The following MARK1 variants were observed in gnomAD, a reference collection of about 807,000 sequenced individuals.
MARK1 encodes microtubule affinity regulating kinase 1.
In MARK1, 40 loss-of-function variants were observed where a neutral mutation model predicts 96.3. That is an observed-to-expected ratio of 0.42 (90% CI 0.32 to 0.54). MARK1 has a LOEUF of 0.54. Among genes scored for constraint, MARK1 ranks in the 20% least tolerant of loss-of-function variants. The probability of loss-of-function intolerance (pLI) is 0.16; values close to 1 mark genes in which losing one functional copy is unlikely to be tolerated. For missense variants in MARK1, 719 were observed against 984.6 expected, an observed-to-expected ratio of 0.73 and a Z score of 3.61; for synonymous variants, 317 against 341.2, an observed-to-expected ratio of 0.93 and a Z score of 0.78.
intron 5 of MARK1, among the ~76,000 whole-genome samples, chr1:220,600,794 A>G (rs953846281): frequency 1.1e-4 from 17 of 152,110 alleles, no homozygotes; most frequent in Non-Finnish European, 2.1e-4. Context: ...TATAATTTTT[A>G]TGGTGATTCA....
intron 10 of MARK1, 64 bp downstream of exon 10, chr1:220,631,198 C>G: frequency 9.7e-7 from 1 of 1,032,348 alleles, no homozygotes; most frequent in Non-Finnish European, 1.5e-6. Context: ...CTTTAGTGTG[C>G]CAAAATAGTG....
At chr1:220,626,737 G>A (rs1186812256) in intron 9 of MARK1, 4 of 333,964 alleles carry the variant, frequency 1.2e-5, no homozygotes, top group Admixed American at 3.8e-5. Context: ...CATGAGAATC[G>A]CTTGCACCCT....
chr1:220,554,816 A>G (rs778441112), intron 1 of MARK1, among the ~76,000 whole-genome samples: 2 of 152,188 alleles, frequency 1.3e-5, no homozygotes, highest in Non-Finnish European at 2.9e-5. Flanking sequence ...CATAGGCCAA[A>G]TAGGTGAGCT....
intron 7 of MARK1, among the ~76,000 whole-genome samples, chr1:220,617,804 A>G (rs1666838064): frequency 2.6e-5 from 4 of 152,202 alleles, no homozygotes; most frequent in Non-Finnish European, 5.9e-5. Flanking sequence ...ATTCTACAAG[A>G]GAGAACAAAG....
chr1:220,563,993 A>G (rs1388812924), intron 1 of MARK1, among the ~76,000 whole-genome samples: 1 of 152,190 alleles, frequency 6.6e-6, no homozygotes. Context: ...ATTGTAAATC[A>G]GTACTTCCGT....
At chr1:220,596,298 G>T (rs1009163935) in intron 3 of MARK1, among the ~76,000 whole-genome samples, 1 of 152,132 alleles carries the variant, frequency 6.6e-6, no homozygotes, top group African/African-American at 2.4e-5. Flanking sequence ...TCAGGAAGAT[G>T]TACTGTCAGA....
intron 3 of MARK1, among the ~76,000 whole-genome samples, chr1:220,593,113 CATA>C (rs1314576185): frequency 1.3e-5 from 2 of 151,878 alleles, no homozygotes; most frequent in Non-Finnish European, 2.9e-5. Flanking sequence ...ACAAATGAAA[CATA>C]ATAATGCTAC....
At chr1:220,558,628 ATAT>A (rs1033375456) in intron 1 of MARK1, among the ~76,000 whole-genome samples, 79 of 152,112 alleles carry the variant, frequency 5.2e-4, no homozygotes, top group African/African-American at 1.8e-3. Flanking sequence ...ATAATCAAAG[ATAT>A]TATTAACAAG....
At chr1:220,548,174 A>T (rs1209691320) in intron 1 of MARK1, among the ~76,000 whole-genome samples, 11 of 152,250 alleles carry the variant, frequency 7.2e-5, no homozygotes. Context: ...TGCTATGTAG[A>T]TACAGTATTT....
chr1:220,537,076 T>C (rs1160571180), intron 1 of MARK1, among the ~76,000 whole-genome samples: 1 of 151,986 alleles, frequency 6.6e-6, no homozygotes, highest in Non-Finnish European at 1.5e-5. Flanking sequence ...GTTGCACAGA[T>C]CATCCTATCA....
At chr1:220,597,623 T>A (rs1227330663) in intron 3 of MARK1, among the ~76,000 whole-genome samples, 1 of 152,212 alleles carries the variant, frequency 6.6e-6, no homozygotes, top group East Asian at 1.9e-4. Flanking sequence ...ATATCACCAA[T>A]TTTTGGTTCT....
intron 9 of MARK1, among the ~76,000 whole-genome samples, chr1:220,620,134 A>G (rs930649444): frequency 6.6e-6 from 1 of 152,202 alleles, no homozygotes; most frequent in African/African-American, 2.4e-5. Flanking sequence ...GTCAATTATC[A>G]TGATTTTTTT....
At chr1:220,534,280 G>T (rs1342638625) in intron 1 of MARK1, among the ~76,000 whole-genome samples, 1 of 151,780 alleles carries the variant, frequency 6.6e-6, no homozygotes, top group Non-Finnish European at 1.5e-5. Flanking sequence ...TTTACATATT[G>T]ATCTTTTCAT....
chr1:220,531,679 A>C (rs1043017521), intron 1 of MARK1, among the ~76,000 whole-genome samples: 1 of 152,174 alleles, frequency 6.6e-6, no homozygotes, highest in African/African-American at 2.4e-5. Flanking sequence ...CTCTAAGAAC[A>C]GTCTATGTGT....
At chr1:220,556,141 A>T (rs965027323) in intron 1 of MARK1, among the ~76,000 whole-genome samples, 1 of 152,088 alleles carries the variant, frequency 6.6e-6, no homozygotes, top group Non-Finnish European at 1.5e-5. Context: ...TATCAGCACC[A>T]TCTGTGCTGG....
At position 220,599,871 on chromosome 1, in the gene MARK1, T is replaced by C. The variant is rs1665623385; in HGVS notation, c.424+8T>C. 9 of 1,591,468 alleles carry C rather than the reference T, an allele frequency of 5.7e-6. No homozygotes were observed. The Middle Eastern group carries it at 5.0e-4, about 89-fold the overall frequency. ...TGGAATACGCGAGTGGGGGTAAGAA[T>C]GAGGGTGATTGAAAAGTTCTCTTTG... On this transcript the variant is annotated splice_region_variant and intron_variant, in intron 5 of 17. Coordinates refer to ENST00000366917, the MANE Select transcript of MARK1 (RefSeq NM_018650.5).
intron 5 of MARK1, among the ~76,000 whole-genome samples, chr1:220,602,783 A>G (rs973618121): frequency 6.6e-6 from 1 of 152,088 alleles, no homozygotes; most frequent in Admixed American, 6.5e-5. Context: ...GTTTCATGTG[A>G]CATACATTCA....
chr1:220,615,792 G>A (rs1666708514), intron 6 of MARK1, 147 bp from the exon 7 acceptor site: 4 of 519,388 alleles, frequency 7.7e-6, no homozygotes, highest in East Asian at 7.0e-5. Flanking sequence ...ACTTTAATGT[G>A]TATAGTTTTC....
chr1:220,540,404 G>C (rs1314273035), intron 1 of MARK1, among the ~76,000 whole-genome samples: 1 of 152,128 alleles, frequency 6.6e-6, no homozygotes, highest in Non-Finnish European at 1.5e-5. Flanking sequence ...TGGATTGAAT[G>C]ATGCTTGCCC....
Sources: allele counts gnomAD v4.1 joint callset (sites outside exome capture counted in the v4.1 genomes callset), GRCh38; gene constraint gnomAD v4.1.1; transcripts MANE v1.5; gene names NCBI Gene and HGNC (gene_info 2026-07-23, HGNC 2026-07-21).